CLNK: variants seen among roughly 807,000 people sequenced by gnomAD.
The protein encoded by CLNK is cytokine dependent hematopoietic cell linker, also known as cytokine-dependent hematopoietic cell linker.
In CLNK, 74 loss-of-function variants were observed where a neutral mutation model predicts 68.6. That is an observed-to-expected ratio of 1.08 (90% CI 0.89 to 1.31). CLNK has a LOEUF of 1.31. CLNK is among the 50% of genes most tolerant of loss of function. The pLI is 0.00. For missense variants in CLNK, 553 were observed against 515.3 expected (o/e 1.07, Z -0.71); for synonymous variants, 198 against 172.2 (o/e 1.15, Z -1.17).
At chr4:10,496,902 C>A in intron 18 of CLNK, among the ~76,000 whole-genome samples, 2 of 152,132 alleles carry the variant, frequency 1.3e-5, no homozygotes, top group African/African-American at 4.8e-5. Flanking sequence ...GCTCTTGAGC[C>A]CCTATGCCGG....
At chr4:10,726,049 TG>T in the CLNK span, among the ~76,000 whole-genome samples, 2 of 152,140 alleles carry the variant, frequency 1.3e-5, no homozygotes, top group South Asian at 4.1e-4. Flanking sequence ...GTTCCTTCTC[TG>T]GACTGTGAAG....
At position 10,564,702 on chromosome 4, in the gene CLNK, G is replaced by T. The variant is rs555801267; in HGVS notation, c.368C>A (p.Pro123Gln). 1 of 1,613,348 alleles carries T rather than the reference G, an allele frequency of 6.2e-7. No homozygotes were observed. Among genetic ancestry groups the T allele is most frequent in the Non-Finnish European group, 8.5e-7 (1 of 1,179,314 alleles). The change falls in exon 7 of 19, where the codon CCG becomes CAG. Residue 123 changes from proline (P) to glutamine (Q), a missense_variant. Physicochemically the swap from Pro to Gln is moderately conservative, Grantham distance 76 (BLOSUM62 -1). Transcript: ENST00000226951. ...CAACCTCGTCTGTGTGTTCCAGGTC[G>T]GCTGTCCAATGGAGATAGAGGTCCT... ...DTRTSISIGQPTWNTQTRLER... is the reference protein window; with the variant it reads ...DTRTSISIGQQTWNTQTRLER...
chr4:10,546,525 C>G (rs1719237654), intron 8 of CLNK, among the ~76,000 whole-genome samples: 1 of 152,222 alleles, frequency 6.6e-6, no homozygotes, highest in South Asian at 2.1e-4. Flanking sequence ...GTCTATATTT[C>G]TATCAGCATT....
chr4:10,681,687 A>C (rs1725094906), intron 1 of CLNK, among the ~76,000 whole-genome samples: 1 of 152,188 alleles, frequency 6.6e-6, no homozygotes, highest in Non-Finnish European at 1.5e-5. Flanking sequence ...GAGTTCCTTA[A>C]ATGCTGTTGA....
At chr4:10,664,972 T>C (rs1400541509) in intron 2 of CLNK, among the ~76,000 whole-genome samples, 2 of 152,170 alleles carry the variant, frequency 1.3e-5, no homozygotes, top group East Asian at 1.9e-4. Context: ...GGCCTGAGGG[T>C]GCACAAGAGG....
At chr4:10,574,377 G>A (rs746800093) in intron 4 of CLNK, among the ~76,000 whole-genome samples, 1 of 152,102 alleles carries the variant, frequency 6.6e-6, no homozygotes, top group Non-Finnish European at 1.5e-5. Flanking sequence ...TCCAATTTTT[G>A]CAAGACTCCT....
the CLNK span, among the ~76,000 whole-genome samples, chr4:10,699,494 C>CTCTCTCTCTCTCTCTA: frequency 5.3e-5 from 3 of 56,990 alleles, no homozygotes; most frequent in African/African-American, 9.1e-5. Flanking sequence ...CTCTCTCTCT[C>CTCTCTCTCTCTCTCTA]TATATATATA....
At chr4:10,512,066 A>G (rs1717611145) in intron 16 of CLNK, among the ~76,000 whole-genome samples, 1 of 152,178 alleles carries the variant, frequency 6.6e-6, no homozygotes, top group South Asian at 2.1e-4. Flanking sequence ...GGAAATCCTG[A>G]TGTGGTCCAA....
chr4:10,695,020 GAGGCCTGGC>G, the CLNK span, among the ~76,000 whole-genome samples: 2 of 152,222 alleles, frequency 1.3e-5, no homozygotes, highest in Non-Finnish European at 2.9e-5. Context: ...GTGATTGACA[GAGGCCTGGC>G]AGGGATGGAG....
At chr4:10,576,961 T>C (rs1430585921) in intron 4 of CLNK, among the ~76,000 whole-genome samples, 1 of 152,212 alleles carries the variant, frequency 6.6e-6, no homozygotes, top group Non-Finnish European at 1.5e-5. Context: ...TTTAGTGGCT[T>C]TGCAGGGACA....
chr4:10,594,740 A>ACTT (rs1395375357), intron 3 of CLNK, among the ~76,000 whole-genome samples: 1 of 152,260 alleles, frequency 6.6e-6, no homozygotes, highest in East Asian at 1.9e-4. Flanking sequence ...GCTGACATAT[A>ACTT]CTTATAAATA....
chr4:10,712,217 C>G, the CLNK span, among the ~76,000 whole-genome samples: 1 of 152,144 alleles, frequency 6.6e-6, no homozygotes, highest in Non-Finnish European at 1.5e-5. Context: ...TCTGTCACCT[C>G]AAGCCTGGTG....
intron 2 of CLNK, among the ~76,000 whole-genome samples, chr4:10,644,068 G>A (rs1723418907): frequency 6.6e-6 from 1 of 152,208 alleles, no homozygotes; most frequent in South Asian, 2.1e-4. Flanking sequence ...AGAAAGGGGA[G>A]CCCGTGGAAT....
At chr4:10,602,547 G>C (rs577468997) in intron 2 of CLNK, among the ~76,000 whole-genome samples, 2 of 152,224 alleles carry the variant, frequency 1.3e-5, no homozygotes, top group Non-Finnish European at 2.9e-5. Context: ...AACGCTGGAA[G>C]AGGCAGGAAA....
chr4:10,591,569 G>C (rs1560231873), intron 3 of CLNK, among the ~76,000 whole-genome samples: 1 of 152,212 alleles, frequency 6.6e-6, no homozygotes, highest in Non-Finnish European at 1.5e-5. Context: ...ATATACAAAA[G>C]AGGGCATCCC....
intron 2 of CLNK, among the ~76,000 whole-genome samples, chr4:10,635,539 C>A (rs1053908134): frequency 2.0e-5 from 3 of 150,392 alleles, no homozygotes; most frequent in Non-Finnish European, 4.4e-5. Flanking sequence ...ATGTGGAAAG[C>A]GACTGTCTGA....
the CLNK span, among the ~76,000 whole-genome samples, chr4:10,729,906 C>CG: frequency 1.2e-4 from 19 of 152,126 alleles, no homozygotes; most frequent in African/African-American, 4.6e-4. Flanking sequence ...TTTTCCAGAA[C>CG]GGTTACTATA....
chr4:10,680,626 C>A (rs370437237), intron 1 of CLNK, among the ~76,000 whole-genome samples: 1 of 152,054 alleles, frequency 6.6e-6, no homozygotes, highest in African/African-American at 2.4e-5. Flanking sequence ...ATGATAATAG[C>A]CACTACCATT....
chr4:10,516,461 C>G (rs1717839315), intron 15 of CLNK, among the ~76,000 whole-genome samples: 1 of 151,634 alleles, frequency 6.6e-6, no homozygotes, highest in African/African-American at 2.4e-5. Context: ...AGGCGCTAAT[C>G]AAAAAGCCAA....
Sources: gnomAD v4.1 joint callset for allele counts (sites outside exome capture counted in the v4.1 genomes callset) on GRCh38, gnomAD v4.1.1 for gene constraint, MANE v1.5 for transcripts, NCBI Gene and HGNC (gene_info 2026-07-23, HGNC 2026-07-21) for gene names.